NCOA3: variants seen among roughly 807,000 people sequenced by gnomAD.
The protein encoded by NCOA3 is CBP-interacting protein.
NCOA3 carries 51 observed loss-of-function variants against 158.8 expected under a neutral mutation model. The ratio of observed to expected loss-of-function variants is 0.32; its 90% CI spans 0.26 to 0.41. NCOA3 has a LOEUF of 0.41. NCOA3 is among the 10% of genes least tolerant of loss of function. NCOA3 has a pLI of 1.00. For missense variants in NCOA3, 1,510 were observed against 1,746.6 expected, an observed-to-expected ratio of 0.86 and a Z score of 2.41; for synonymous variants, 537 against 592.4, an observed-to-expected ratio of 0.91 and a Z score of 1.36.
chr20:47,633,308 T>C (rs1046601146), intron 8 of NCOA3, among the ~76,000 whole-genome samples, 188 bp from the exon 9 acceptor site: 1 of 152,228 alleles, frequency 6.6e-6, no homozygotes, highest in Non-Finnish European at 1.5e-5. Context: ...GCAGAACATG[T>C]AGGGAGAATC....
At chr20:47,515,950 C>T (rs906791124) in intron 1 of NCOA3, among the ~76,000 whole-genome samples, 4 of 152,148 alleles carry the variant, frequency 2.6e-5, no homozygotes, top group Non-Finnish European at 4.4e-5. Flanking sequence ...AGGCCACATA[C>T]TGTGTGATTC....
chr20:47,637,808 T>G (rs2086540813), intron 13 of NCOA3, 25 bp downstream of exon 13: 1 of 1,577,494 alleles, frequency 6.3e-7, no homozygotes, highest in African/African-American at 1.4e-5. Flanking sequence ...GGTTTTTTTT[T>G]TTTTTGCTGC....
intron 2 of NCOA3, among the ~76,000 whole-genome samples, chr20:47,591,040 G>A (rs1395424439): frequency 6.6e-6 from 1 of 152,118 alleles, no homozygotes; most frequent in Non-Finnish European, 1.5e-5. Flanking sequence ...ACCCCAGGGG[G>A]CAGAGGCTGC....
At chr20:47,619,124 G>C (rs1209006787) in intron 2 of NCOA3, among the ~76,000 whole-genome samples, 1 of 152,006 alleles carries the variant, frequency 6.6e-6, no homozygotes, top group Non-Finnish European at 1.5e-5. Context: ...GACATATATT[G>C]ACCACCTATT....
At chr20:47,527,564 A>T (rs539860781) in intron 1 of NCOA3, among the ~76,000 whole-genome samples, 1 of 152,230 alleles carries the variant, frequency 6.6e-6, no homozygotes, top group African/African-American at 2.4e-5. Context: ...GCTATTATGA[A>T]TAGAGCCGCT....
intron 1 of NCOA3, among the ~76,000 whole-genome samples, chr20:47,522,789 G>C (rs1349411465): frequency 6.6e-6 from 1 of 151,736 alleles, no homozygotes; most frequent in Non-Finnish European, 1.5e-5. Context: ...CAATCTCCAT[G>C]TTTGGGTGGA....
At chr20:47,538,942 G>C (rs1415449612) in intron 1 of NCOA3, among the ~76,000 whole-genome samples, 1 of 152,200 alleles carries the variant, frequency 6.6e-6, no homozygotes, top group African/African-American at 2.4e-5. Context: ...TTCAGCATCT[G>C]TTCTGGCTGT....
intron 1 of NCOA3, among the ~76,000 whole-genome samples, chr20:47,513,244 G>A (rs2084176318): frequency 6.6e-6 from 1 of 151,884 alleles, no homozygotes; most frequent in Non-Finnish European, 1.5e-5. Flanking sequence ...CTACTTCTGG[G>A]TTCCCCCCAA....
chr20:47,627,733 GATGGAGGAAGGGGAAGGTAAGAGCTATT>G lies in NCOA3; in HGVS notation c.708_721+14del. The stretch of plus-strand genomic sequence containing the variant: ...TTGCCCTGTCTCAGCCACGAGCTAT[GATGGAGGAAGGGGAAGGTAAGAGCTATT>G]ATATGTTTGTGATGTTCATGAAACA... On this transcript the variant is annotated splice_donor_variant and splice_donor_5th_base_variant and coding_sequence_variant and intron_variant, in exon 7 of 23. Coordinates refer to ENST00000371998, the MANE Select transcript of NCOA3 (RefSeq NM_181659.3). LOFTEE classifies it high-confidence loss of function. The G allele has an allele frequency of 6.2e-7, 1 of 1,613,460 alleles. No homozygotes were observed. Among genetic ancestry groups the G allele is most frequent in the Non-Finnish European group, 8.5e-7 (1 of 1,179,816 alleles).
chr20:47,639,989 A>G lies in NCOA3; in HGVS notation c.3018A>G (p.Gln1006=), dbSNP rs777416042. ...ATGGCCAAGCAGCAGCATCTAACCA[A>G]CTGGGTTCCTGGCCCGATGGCATGT... ...NPYGQAAASN[Q]LGSWPDGMLS... The change falls in exon 16 of 23, where the codon CAA becomes CAG. Residue 1006 remains glutamine, a synonymous_variant. Transcript: ENST00000371998. The G allele has an allele frequency of 1.4e-5, 22 of 1,614,092 alleles. 1 individual carries two copies. Among genetic ancestry groups the G allele is most frequent in the African/African-American group, 8.0e-5 (6 of 74,932 alleles).
intron 1 of NCOA3, among the ~76,000 whole-genome samples, chr20:47,543,487 A>G (rs888294346): frequency 6.6e-6 from 1 of 150,716 alleles, no homozygotes; most frequent in South Asian, 2.1e-4. Context: ...ATAAAGAAAA[A>G]CTTTTTCTTT....
intron 1 of NCOA3, among the ~76,000 whole-genome samples, chr20:47,512,508 C>T (rs2084161558): frequency 6.7e-6 from 1 of 149,362 alleles, no homozygotes; most frequent in African/African-American, 2.5e-5. Context: ...GCGAAGGTTG[C>T]AGTGTGCCGA....
chr20:47,620,972 TTGTGTGATCTGAC>T (rs1460845118), intron 2 of NCOA3, among the ~76,000 whole-genome samples: 1 of 152,208 alleles, frequency 6.6e-6, no homozygotes, highest in Non-Finnish European at 1.5e-5. Flanking sequence ...ACCCCTGAGA[TTGTGTGATCTGAC>T]TGTGCCACTA....
intron 8 of NCOA3, 132 bp downstream of exon 8, chr20:47,628,155 T>C (rs2086353460): frequency 1.9e-6 from 1 of 521,914 alleles, no homozygotes; most frequent in Non-Finnish European, 3.3e-6. Context: ...GAGTGCTTTA[T>C]GTGTATCTTT....
chr20:47,525,638 C>T lies in NCOA3; in HGVS notation c.-99+23619C>T, dbSNP rs1177343630. On this transcript the variant is annotated intron_variant, in intron 1 of 22. Coordinates refer to ENST00000371998, the MANE Select transcript of NCOA3 (RefSeq NM_181659.3). Reference sequence around the variant, plus strand: ...CTGACCCCCCCACCTCCCTCCCGGACGGGGCGGCTGGCCGGACGGGGGGGC... The same window carrying T: ...CTGACCCCCCCACCTCCCTCCCGGATGGGGCGGCTGGCCGGACGGGGGGGC... 4.7e-4 allele frequency among the ~76,000 whole-genome samples: 64 copies of T among 136,734 alleles called. 1 individual carries two copies. Among genetic ancestry groups the T allele is most frequent in the African/African-American group, 1.7e-3 (58 of 34,162 alleles). The allele number at this position is 136,734 out of a possible 152,430, so 89.7% of individuals were successfully genotyped here. A position where few individuals can be genotyped will look rare whatever the true frequency, so the allele number is the denominator to read the frequency against.
At chr20:47,542,310 G>A (rs1222150661) in intron 1 of NCOA3, among the ~76,000 whole-genome samples, 1 of 151,796 alleles carries the variant, frequency 6.6e-6, no homozygotes, top group Non-Finnish European at 1.5e-5. Context: ...AAAGTGCTGG[G>A]ATTACAGGCA....
At chr20:47,644,586 C>A (rs760709599) in intron 17 of NCOA3, among the ~76,000 whole-genome samples, 6 of 152,186 alleles carry the variant, frequency 3.9e-5, no homozygotes, top group Non-Finnish European at 8.8e-5. Flanking sequence ...AAGAGTGAGA[C>A]ATTAAGAAGC....
intron 2 of NCOA3, among the ~76,000 whole-genome samples, chr20:47,608,021 G>C (rs1168453088): frequency 6.6e-6 from 1 of 152,118 alleles, no homozygotes; most frequent in Admixed American, 6.6e-5. Context: ...GCTTTAAAAA[G>C]TGAATGAGGG....
rs768977330 is a variant in NCOA3 at position 47,627,952 on chromosome 20, G to A, written c.752G>A (p.Arg251His). The A allele has an allele frequency of 3.1e-6, 5 of 1,613,682 alleles. No homozygotes were observed. The highest frequency in any genetic ancestry group is 2.2e-5 in the East Asian group (1 of 44,862). The change falls in exon 8 of 23, where the codon CGC (arginine) becomes CAC (histidine). Residue 251 changes from arginine (R) to histidine (H), a missense_variant. Arg to His is a conservative substitution (Grantham distance 29, BLOSUM62 0). Transcript: ENST00000371998. ...DLQSCMICVA[R>H]RITTGERTFP... ...CAATCTTGTATGATCTGTGTGGCAC[G>A]CCGCATTACTACAGGAGAAAGAACA...
Sources: gnomAD v4.1 joint callset for allele counts (sites outside exome capture counted in the v4.1 genomes callset) on GRCh38, gnomAD v4.1.1 for gene constraint, MANE v1.5 for transcripts, NCBI Gene and HGNC (gene_info 2026-07-23, HGNC 2026-07-21) for gene names.